Variants in SDK2 observed in about 807,000 individuals in gnomAD.
SDK2 encodes protein sidekick-2.
A neutral mutation model predicts 253.9 loss-of-function variants in SDK2; 105 were observed. The observed-to-expected ratio is 0.41, with a 90% CI of 0.35 to 0.49. The LOEUF (loss-of-function observed/expected upper bound fraction) is 0.49. Ranked by LOEUF, SDK2 falls within the 20% of genes least tolerant of loss-of-function variation. The pLI is 0.06. For synonymous variants in SDK2, 1,249 were observed against 1,234.9 expected (o/e 1.01, Z -0.24); for missense variants, 2,608 against 3,003.0 (o/e 0.87, Z 3.07).
intron 12 of SDK2, among the ~76,000 whole-genome samples, chr17:73,426,382 A>T (rs561017991): frequency 1.3e-5 from 2 of 151,976 alleles, no homozygotes; most frequent in East Asian, 3.9e-4. Context: ...TCCTGTTTTT[A>T]AAGCTGCTTT....
rs1280032580 is a variant in SDK2, at chr17:73,435,961, C to T, written c.1001-317G>A. On this transcript the variant is annotated intron_variant, in intron 8 of 44. Transcript: ENST00000392650. This position sits in a 1 kb window ranked among gnomAD's most constrained non-coding sequence, Gnocchi z 5.7. ...TAGAGATGGAGTCTTGCTAGGTTGC[C>T]CAGGGTGGTCTAGAACTCTTGGTTT... 1.3e-5 allele frequency among the ~76,000 whole-genome samples: 2 copies of T among 151,810 alleles called. No homozygotes were observed. The highest frequency in any genetic ancestry group is 2.9e-5 in the Non-Finnish European group (2 of 67,938).
intron 1 of SDK2, among the ~76,000 whole-genome samples, chr17:73,551,222 C>A (rs375152920): frequency 6.6e-6 from 1 of 152,162 alleles, no homozygotes; most frequent in Non-Finnish European, 1.5e-5. Flanking sequence ...TGATGGCGGC[C>A]GGCTCCCCAT....
At chr17:73,422,514 G>A (rs1324217673) in intron 14 of SDK2, 80 bp from the exon 15 acceptor site, 1 of 1,506,152 alleles carries the variant, frequency 6.6e-7, no homozygotes, top group African/African-American at 1.4e-5. Context: ...TCCCAGCAGG[G>A]TCCAGCTTCA....
intron 44 of SDK2, among the ~76,000 whole-genome samples, chr17:73,339,832 C>T (rs2062419310): frequency 6.6e-6 from 1 of 151,930 alleles, no homozygotes; most frequent in African/African-American, 2.4e-5. Context: ...GCTGGGATTA[C>T]AGGCGTGAGC....
At chr17:73,407,466 CA>C (rs200110400) in intron 18 of SDK2, among the ~76,000 whole-genome samples, 1 of 151,750 alleles carries the variant, frequency 6.6e-6, no homozygotes, top group African/African-American at 2.4e-5. Context: ...AAAAACAAAA[CA>C]AAAAAAATCC....
In SDK2 at chr17:73,383,353, G is replaced by A. The variant is rs1212561828; in HGVS notation, c.4705+523C>T. On this transcript the variant is annotated intron_variant, in intron 33 of 44. Coordinates refer to ENST00000392650, the MANE Select transcript of SDK2 (RefSeq NM_001144952.2). This position sits in a 1 kb window ranked among gnomAD's most constrained non-coding sequence, Gnocchi z 4.3. ...TCCCCTCTTTCCTTCCTTTGCTCCAGGGGACAGGCAGGGCAGTGGCTTCCC... is the reference window on the plus strand; with the variant it reads ...TCCCCTCTTTCCTTCCTTTGCTCCAAGGGACAGGCAGGGCAGTGGCTTCCC... Among the ~76,000 whole-genome samples the A allele has an allele frequency of 6.6e-6, 1 of 152,184 alleles. No homozygotes were observed. The highest frequency in any genetic ancestry group is 1.5e-5 in the Non-Finnish European group (1 of 68,030).
At position 73,352,284 on chromosome 17, in the gene SDK2, T is replaced by C. The variant is rs1006433456; in HGVS notation, c.5758+189A>G. Among the ~76,000 whole-genome samples, 4 of 152,184 alleles carry C rather than the reference T, an allele frequency of 2.6e-5. No individual in the cohort carries two copies. The highest frequency in any genetic ancestry group is 5.9e-5 in the Non-Finnish European group (4 of 68,022). The stretch of plus-strand genomic sequence containing the variant: ...AAAGATGAAGATCCCTAGTTTCCTC[T>C]GGTCTTGAGGGCTGACCCAGGCCTG... On this transcript the variant is annotated intron_variant, in intron 41 of 44. Transcript: ENST00000392650. The surrounding 1 kb of genome is among the most constrained non-coding windows in gnomAD (Gnocchi z 4.1).
At chr17:73,507,619 G>A in intron 1 of SDK2, 22 bp from the exon 2 acceptor site, 2 of 1,548,008 alleles carry the variant, frequency 1.3e-6, no homozygotes, top group Non-Finnish European at 1.7e-6. Flanking sequence ...GGGAGACAAA[G>A]CCACCAGTGA....
chr17:73,372,704 G>A (rs2062745443), intron 36 of SDK2, among the ~76,000 whole-genome samples: 1 of 151,790 alleles, frequency 6.6e-6, no homozygotes, highest in South Asian at 2.1e-4. Flanking sequence ...TCACACCACT[G>A]CACTCCAGCC....
intron 3 of SDK2, among the ~76,000 whole-genome samples, chr17:73,470,369 A>G (rs2063640479): frequency 6.6e-6 from 1 of 152,128 alleles, no homozygotes; most frequent in African/African-American, 2.4e-5. Context: ...ACATGTGAAC[A>G]AAAAGGCCAA....
At chr17:73,595,613 G>A (rs11654227) in intron 1 of SDK2, among the ~76,000 whole-genome samples, 27,864 of 152,200 alleles carry the variant, frequency 0.18, 2,744 homozygotes, top group African/African-American at 0.2. Context: ...GCAGCCTGGG[G>A]CCCAGGCCAG....
In SDK2 at chr17:73,395,858, G is replaced by C. The variant is rs1480494458; in HGVS notation, c.3355-466C>G. The stretch of plus-strand genomic sequence containing the variant: ...GGATGAGTGGGGCACCTGCCAGTCA[G>C]GAAGTCCTTCTGTCCAGCAAACCTC... On this transcript the variant is annotated intron_variant, in intron 24 of 44. Transcript: ENST00000392650. The surrounding 1 kb of genome is among the most constrained non-coding windows in gnomAD (Gnocchi z 4.3). Among the ~76,000 whole-genome samples the C allele has an allele frequency of 1.3e-5, 2 of 152,118 alleles. No homozygotes were observed. Among genetic ancestry groups the C allele is most frequent in the African/African-American group, 4.8e-5 (2 of 41,442 alleles).
In SDK2 at chr17:73,338,108, G is replaced by C; in HGVS notation, c.*479C>G. The C allele has an allele frequency of 3.9e-6, 1 of 258,938 alleles. No homozygotes were observed. The highest frequency in any genetic ancestry group is 1.3e-4 in the East Asian group (1 of 7,972). The allele number at this position is 258,938 out of a possible 1,614,324, so 16.0% of individuals were successfully genotyped here. Reference sequence around the variant, plus strand: ...AAGGAGGAGCAGAGAGAGAAGATAGGCGTGGCCTCCGGGATGCCCATTCTT... The same window carrying C: ...AAGGAGGAGCAGAGAGAGAAGATAGCCGTGGCCTCCGGGATGCCCATTCTT... On this transcript the variant is annotated 3_prime_UTR_variant, in exon 45 of 45. Transcript: ENST00000392650. This position sits in a 1 kb window ranked among gnomAD's most constrained non-coding sequence, Gnocchi z 5.0.
chr17:73,406,024 C>T (rs2063075685), intron 18 of SDK2, among the ~76,000 whole-genome samples: 1 of 151,884 alleles, frequency 6.6e-6, no homozygotes. Flanking sequence ...TGCCCGGCCC[C>T]TCCTCTTATA....
intron 28 of SDK2, among the ~76,000 whole-genome samples, chr17:73,391,015 T>G (rs1043178211): frequency 2.2e-4 from 34 of 152,306 alleles, no homozygotes; most frequent in African/African-American, 7.0e-4. Flanking sequence ...ACCGGAACCC[T>G]GGGTGTGTGT....
Position 73,395,468 on chromosome 17 carries a change from C to G in SDK2, c.3355-76G>C, listed in dbSNP as rs2062963825. ...TGCAGGGAGGAACTGCCCTGCTACC[C>G]TCTCCTCCAGGGCGCCTTCAGGGCT... On this transcript the variant is annotated intron_variant, in intron 24 of 44. Transcript: ENST00000392650. The surrounding 1 kb of genome is among the most constrained non-coding windows in gnomAD (Gnocchi z 4.3). 2 of 1,257,248 alleles carry G rather than the reference C, an allele frequency of 1.6e-6. No homozygotes were observed. Among genetic ancestry groups the G allele is most frequent in the African/African-American group, 1.5e-5 (1 of 67,990 alleles). 77.9% of individuals were successfully genotyped at this position (1,257,248 alleles called of 1,614,324 possible).
chr17:73,514,652 A>C (rs1246665665), intron 1 of SDK2, among the ~76,000 whole-genome samples: 1 of 152,194 alleles, frequency 6.6e-6, no homozygotes, highest in Non-Finnish European at 1.5e-5. Context: ...AGGGAGTACC[A>C]AGCCTGGACA....
chr17:73,339,159 T>A lies in SDK2; in HGVS notation c.6166-219A>T, dbSNP rs547638745. 6.8e-4 allele frequency among the ~76,000 whole-genome samples: 104 copies of A among 152,092 alleles called. 1 individual carries two copies. The highest frequency in any genetic ancestry group is 4.6e-4 in the Admixed American group (7 of 15,276). The stretch of plus-strand genomic sequence containing the variant: ...CAGCAGATCCGGAACCGGAAGGATC[T>A]ACTATGGGGTTGGCCCAGAGCTGGG... On this transcript the variant is annotated intron_variant, in intron 44 of 44. Transcript: ENST00000392650.
chr17:73,571,551 A>C (rs571986606), intron 1 of SDK2, among the ~76,000 whole-genome samples: 1 of 152,254 alleles, frequency 6.6e-6, no homozygotes, highest in African/African-American at 2.4e-5. Flanking sequence ...CGGGCGCTCT[A>C]AGCAGCCTGT....
Sources: allele counts gnomAD v4.1 joint callset (sites outside exome capture counted in the v4.1 genomes callset), GRCh38; gene constraint gnomAD v4.1.1; non-coding constraint Gnocchi (gnomAD v3.1); transcripts MANE v1.5; gene names NCBI Gene and HGNC (gene_info 2026-07-23, HGNC 2026-07-21).